ZCCHC10: variants seen among roughly 807,000 people sequenced by gnomAD.
The protein encoded by ZCCHC10 is zinc finger CCHC-type containing 10.
Under a neutral mutation model 19.5 loss-of-function variants are expected in ZCCHC10, and 16 were observed. The observed-to-expected ratio is 0.82, with a 90% CI of 0.56 to 1.25. The LOEUF (loss-of-function observed/expected upper bound fraction) is 1.25. Ranked by LOEUF, ZCCHC10 falls within the 50% of genes most tolerant of loss-of-function variation. ZCCHC10 has a pLI of 0.00. For synonymous variants in ZCCHC10, 67 were observed against 72.5 expected, an observed-to-expected ratio of 0.92 and a Z score of 0.38; for missense variants, 197 against 201.0, an observed-to-expected ratio of 0.98 and a Z score of 0.12.
intron 1 of ZCCHC10, among the ~76,000 whole-genome samples, chr5:133,025,175 C>T (rs78831798): frequency 0.025 from 3,781 of 152,076 alleles, 74 homozygotes; most frequent in South Asian, 0.079. Context: ...AGGCAGATGT[C>T]TGGATGTGCA....
At chr5:133,017,579 A>C (rs548060045) in intron 2 of ZCCHC10, among the ~76,000 whole-genome samples, 11 of 152,088 alleles carry the variant, frequency 7.2e-5, no homozygotes, top group Non-Finnish European at 1.5e-4. Context: ...TATGTTTCCT[A>C]GGCTGGTTTC....
At position 133,006,983 on chromosome 5, in the gene ZCCHC10, C is replaced by CT. The variant is rs1763163112; in HGVS notation, c.108-64dup. On this transcript the variant is annotated intron_variant, in intron 2 of 4. Transcript: ENST00000509437. ...TGTCTTGTGACTTTCACCCTAAAAA[C>CT]TATAAAAAAATATAAAGGATAAAAT... 4.2e-6 allele frequency: 6 copies of CT among 1,432,758 alleles called. No homozygotes were observed. The East Asian group carries it at 1.5e-4, about 35-fold the overall frequency. 88.8% of individuals were successfully genotyped at this position (1,432,758 alleles called of 1,614,324 possible).
At position 133,000,193 on chromosome 5, in the gene ZCCHC10, A is replaced by G; in HGVS notation, c.270-20T>C. The G allele has an allele frequency of 5.6e-6, 9 of 1,613,588 alleles. No individual in the cohort carries two copies. The highest frequency in any genetic ancestry group is 7.6e-6 in the Non-Finnish European group (9 of 1,179,850). Reference sequence around the variant, plus strand: ...CCAATGCTGATAAACACGAGGGGGAAAAAAGCTCCTGTTAATAGAGTGATT... The same window carrying G: ...CCAATGCTGATAAACACGAGGGGGAGAAAAGCTCCTGTTAATAGAGTGATT... On this transcript the variant is annotated intron_variant, in intron 3 of 4. Transcript: ENST00000509437.
At chr5:133,014,992 A>G (rs946149608) in intron 2 of ZCCHC10, among the ~76,000 whole-genome samples, 7 of 152,108 alleles carry the variant, frequency 4.6e-5, no homozygotes, top group Admixed American at 1.3e-4. Context: ...TCAGGTTAAC[A>G]TAAGATTTCA....
intron 1 of ZCCHC10, among the ~76,000 whole-genome samples, chr5:133,025,953 G>T (rs1198617322): frequency 6.6e-6 from 1 of 152,214 alleles, no homozygotes; most frequent in Non-Finnish European, 1.5e-5. Context: ...GTCTGGCACA[G>T]AACGGTAGGA....
chr5:133,007,831 C>T (rs928229141), intron 2 of ZCCHC10, among the ~76,000 whole-genome samples: 1 of 152,250 alleles, frequency 6.6e-6, no homozygotes, highest in Middle Eastern at 3.4e-3. Context: ...AATCTTGGCT[C>T]CTCAATTCTG....
chr5:133,022,898 G>A lies in ZCCHC10; in HGVS notation c.50C>T (p.Thr17Ile). The A allele has an allele frequency of 1.7e-6, 1 of 597,344 alleles. No homozygotes were observed. The highest frequency in any genetic ancestry group is 3.1e-5 in the East Asian group (1 of 31,882). The allele number at this position is 597,344 out of a possible 1,614,324, so 37.0% of individuals were successfully genotyped here. Residue 17 changes from threonine (T) to isoleucine (I), a missense_variant, in exon 2 of 5, where the codon ACA (threonine) becomes ATA (isoleucine). Physicochemically the swap from Thr to Ile is moderately conservative, Grantham distance 89. Transcript: ENST00000509437. ...AAAGGTCTTGACAGGCTGCAACTCTGTGTCGAATCTAACAAGATGAAATTT... is the reference window on the plus strand; with the variant it reads ...AAAGGTCTTGACAGGCTGCAACTCTATGTCGAATCTAACAAGATGAAATTT... ...RLIARRQAFD[T>I]ELQPVKTFWI...
At chr5:133,006,952 A>C in intron 2 of ZCCHC10, 32 bp from the exon 3 acceptor site, 2 of 1,553,348 alleles carry the variant, frequency 1.3e-6, no homozygotes, top group Non-Finnish European at 1.7e-6. Flanking sequence ...ACAAGCCTTA[A>C]AATTCTGTCT....
At chr5:133,006,139 T>C (rs10039686) in intron 3 of ZCCHC10, among the ~76,000 whole-genome samples, 50,202 of 151,498 alleles carry the variant, frequency 0.33, 9,843 homozygotes, top group African/African-American at 0.55. Context: ...TACCTGCCAC[T>C]ATGCCCGGCT....
intron 3 of ZCCHC10, among the ~76,000 whole-genome samples, chr5:133,001,450 G>C (rs1037798378): frequency 6.6e-6 from 1 of 151,754 alleles, no homozygotes; most frequent in Non-Finnish European, 1.5e-5. Flanking sequence ...TATCACCACT[G>C]TCCTGTAAAT....
intron 2 of ZCCHC10, among the ~76,000 whole-genome samples, chr5:133,021,493 T>C (rs1764308265): frequency 6.6e-6 from 1 of 152,188 alleles, no homozygotes; most frequent in African/African-American, 2.4e-5. Context: ...AACTCAATAC[T>C]GTTAGGATGT....
rs1762509214 is a variant in ZCCHC10, at chr5:132,997,612, A to T, written c.*971T>A. ...TATATGCAGTAGACTGTCATATATG[A>T]CCAGTTACCATACAAACTATAATAC... On this transcript the variant is annotated 3_prime_UTR_variant, in exon 5 of 5. Transcript: ENST00000509437. 6.6e-6 allele frequency: 1 copy of T among 152,162 alleles called. No homozygotes were observed. Among genetic ancestry groups the T allele is most frequent in the South Asian group, 2.1e-4 (1 of 4,836 alleles). The allele number at this position is 152,162 out of a possible 1,614,324, so 9.4% of individuals were successfully genotyped here. A position where few individuals can be genotyped will look rare whatever the true frequency, so the allele number is the denominator to read the frequency against.
At chr5:133,004,267 C>T (rs1762961812) in intron 3 of ZCCHC10, among the ~76,000 whole-genome samples, 1 of 151,386 alleles carries the variant, frequency 6.6e-6, no homozygotes, top group Non-Finnish European at 1.5e-5. Flanking sequence ...CTCCGCCTCC[C>T]GGGTTCAAGT....
chr5:133,023,253 A>G (rs1045152954), intron 1 of ZCCHC10, among the ~76,000 whole-genome samples: 3 of 152,128 alleles, frequency 2.0e-5, no homozygotes, highest in Non-Finnish European at 4.4e-5. Context: ...AAGGTTTAAT[A>G]GAAGAAATGA....
At chr5:133,004,637 C>T (rs891166580) in intron 3 of ZCCHC10, among the ~76,000 whole-genome samples, 4 of 151,970 alleles carry the variant, frequency 2.6e-5, no homozygotes, top group Admixed American at 2.6e-4. Context: ...TACAGGTGCC[C>T]ACCACCACGC....
chr5:133,023,271 T>C (rs1488054609), intron 1 of ZCCHC10, among the ~76,000 whole-genome samples: 1 of 152,074 alleles, frequency 6.6e-6, no homozygotes, highest in African/African-American at 2.4e-5. Context: ...TGACCCCAAA[T>C]AATGCCTAGA....
chr5:133,025,503 CAAAAAAAAAAAAAAA>C (rs74843776), intron 1 of ZCCHC10, among the ~76,000 whole-genome samples: 5 of 18,656 alleles, frequency 2.7e-4, no homozygotes, highest in Non-Finnish European at 4.8e-4. Context: ...GACTCCGCCT[CAAAAAAAAAAAAAAA>C]AAAAAAAAAA....
intron 2 of ZCCHC10, among the ~76,000 whole-genome samples, chr5:133,018,189 T>G (rs938475799): frequency 2.0e-5 from 3 of 150,554 alleles, no homozygotes; most frequent in African/African-American, 7.3e-5. Flanking sequence ...AGTGCACAGA[T>G]AGTAAACAAA....
rs1762551563 is a variant in ZCCHC10 at position 132,998,387 on chromosome 5, C to T, written c.*196G>A. 2.0e-6 allele frequency: 1 copy of T among 509,722 alleles called. No individual in the cohort carries two copies. The highest frequency in any genetic ancestry group is 3.5e-5 in the Admixed American group (1 of 28,218). 31.6% of individuals were successfully genotyped at this position (509,722 alleles called of 1,614,324 possible). A position where few individuals can be genotyped will look rare whatever the true frequency, so the allele number is the denominator to read the frequency against. ...TTTTAAAGATAAAAAAAACAAGATT[C>T]ACCCTTCAAATAAAAGTCTCTCTCT... On this transcript the variant is annotated 3_prime_UTR_variant, in exon 5 of 5. Coordinates refer to ENST00000509437, the MANE Select transcript of ZCCHC10 (RefSeq NM_001300816.3).
Sources: gnomAD v4.1 joint callset for allele counts (sites outside exome capture counted in the v4.1 genomes callset) on GRCh38, gnomAD v4.1.1 for gene constraint, MANE v1.5 for transcripts, NCBI Gene and HGNC (gene_info 2026-07-23, HGNC 2026-07-21) for gene names.